CNBD1: variants seen among roughly 807,000 people sequenced by gnomAD.
The protein encoded by CNBD1 is cyclic nucleotide binding domain containing 1.
In CNBD1, 71 loss-of-function variants were observed where a neutral mutation model predicts 54.4. The ratio of observed to expected loss-of-function variants is 1.30; its 90% CI spans 1.08 to 1.59. The LOEUF (loss-of-function observed/expected upper bound fraction) is 1.59. CNBD1 is among the 40% of genes most tolerant of loss of function. The pLI, the probability that CNBD1 is intolerant of heterozygous loss-of-function variation, is 0.00. For missense variants in CNBD1, 659 were observed against 518.0 expected (o/e 1.27, Z -2.64); for synonymous variants, 182 against 170.7 (o/e 1.07, Z -0.51).
chr8:87,048,828 T>C (rs554920722), intron 4 of CNBD1, among the ~76,000 whole-genome samples: 257 of 152,290 alleles, frequency 1.7e-3, no homozygotes, highest in South Asian at 2.9e-3. Flanking sequence ...GTTGAGGGGA[T>C]TATTTTTAAG....
intron 4 of CNBD1, among the ~76,000 whole-genome samples, chr8:86,958,044 G>T (rs555643657): frequency 6.6e-6 from 1 of 152,300 alleles, no homozygotes; most frequent in Non-Finnish European, 1.5e-5. Flanking sequence ...GTTCACATTA[G>T]TTTCAAAGAA....
intron 10 of CNBD1, among the ~76,000 whole-genome samples, chr8:87,370,641 G>A (rs1242916378): frequency 6.6e-6 from 1 of 151,742 alleles, no homozygotes; most frequent in Non-Finnish European, 1.5e-5. Flanking sequence ...TTTGTCAGAT[G>A]AGTAGGTTGC....
chr8:86,932,854 A>G (rs1005252457), intron 3 of CNBD1, among the ~76,000 whole-genome samples: 3 of 151,940 alleles, frequency 2.0e-5, no homozygotes, highest in African/African-American at 7.3e-5. Context: ...TTCCCCGCCC[A>G]ATAACCTGCA....
At chr8:87,388,423 C>A (rs1175388722) in intron 2 of CNBD1, among the ~76,000 whole-genome samples, 1 of 151,990 alleles carries the variant, frequency 6.6e-6, no homozygotes, top group Non-Finnish European at 1.5e-5. Flanking sequence ...GGGGATATCA[C>A]CACCGATCCC....
chr8:87,041,412 C>T (rs533653830), intron 4 of CNBD1, among the ~76,000 whole-genome samples: 5 of 152,054 alleles, frequency 3.3e-5, no homozygotes, highest in African/African-American at 7.2e-5. Flanking sequence ...AAAGCAACCA[C>T]GTCGGTGTGA....
In CNBD1 at chr8:87,408,860, C is replaced by A. The variant is rs147923706; in HGVS notation, c.214-19686C>A. The stretch of plus-strand genomic sequence containing the variant: ...TGTTTTGGGATGCAATGACCTGCAT[C>A]CATATAAGACTGCAAACCTAATCAA... On this transcript the variant is annotated intron_variant, in intron 2 of 7. Coordinates refer to the CNBD1 transcript ENST00000521593. 5.4e-3 allele frequency among the ~76,000 whole-genome samples: 816 copies of A among 152,118 alleles called. 6 individuals are homozygous for A. The highest frequency in any genetic ancestry group is 0.019 in the African/African-American group (771 of 41,524).
intron 4 of CNBD1, among the ~76,000 whole-genome samples, chr8:87,056,743 T>C (rs950830794): frequency 6.6e-6 from 1 of 152,078 alleles, no homozygotes; most frequent in Non-Finnish European, 1.5e-5. Context: ...TACTTCTAAT[T>C]AGAAAGATTA....
rs553101880 is a variant in CNBD1 at position 87,306,344 on chromosome 8, C to A, written c.1042+19673C>A. Among the ~76,000 whole-genome samples the A allele has an allele frequency of 7.2e-5, 11 of 152,202 alleles. No homozygotes were observed. In the South Asian group the frequency reaches 8.3e-4, roughly 11 times the overall value. ...TGCTATGGAAAACAGTGTGGATATT[C>A]CTTTAAGAACTAAATGTAGAACTAC... On this transcript the variant is annotated intron_variant, in intron 8 of 10. Transcript: ENST00000518476.
At chr8:86,986,707 G>T (rs1022850533) in intron 4 of CNBD1, among the ~76,000 whole-genome samples, 3 of 152,108 alleles carry the variant, frequency 2.0e-5, no homozygotes, top group Non-Finnish European at 2.9e-5. Context: ...ATTGGTAGGG[G>T]TCCAACTTTG....
chr8:87,386,012 G>A (rs537048018), downstream of CNBD1, among the ~76,000 whole-genome samples: 149 of 152,268 alleles, frequency 9.8e-4, 2 homozygotes, highest in African/African-American at 3.4e-3. Flanking sequence ...AACATAGTCT[G>A]GAGTGGACCT....
intron 3 of CNBD1, among the ~76,000 whole-genome samples, chr8:86,924,229 T>G (rs1047643198): frequency 6.6e-6 from 1 of 152,184 alleles, no homozygotes; most frequent in African/African-American, 2.4e-5. Context: ...CCATATTTTC[T>G]GTAAGTCTTG....
chr8:87,150,228 G>A (rs17624467), intron 4 of CNBD1, among the ~76,000 whole-genome samples: 82,156 of 151,834 alleles, frequency 0.54, 23,343 homozygotes, highest in African/African-American at 0.73. Context: ...AGCTTTGTAG[G>A]ATGGAAAAGA....
intron 4 of CNBD1, among the ~76,000 whole-genome samples, chr8:87,019,312 G>A (rs1307673007): frequency 6.6e-6 from 1 of 152,056 alleles, no homozygotes; most frequent in African/African-American, 2.4e-5. Flanking sequence ...CAATTAATTG[G>A]CTATAAGTCT....
At chr8:87,283,856 G>C (rs1245880392) in intron 6 of CNBD1, among the ~76,000 whole-genome samples, 1 of 152,122 alleles carries the variant, frequency 6.6e-6, no homozygotes, top group Non-Finnish European at 1.5e-5. Context: ...ATTTGGGTTT[G>C]ATAGGACTGT....
chr8:87,105,058 C>T (rs967723277), intron 4 of CNBD1, among the ~76,000 whole-genome samples: 11 of 152,030 alleles, frequency 7.2e-5, no homozygotes, highest in Non-Finnish European at 8.8e-5. Flanking sequence ...AGGATCTAAA[C>T]GGTTTTAATT....
intron 4 of CNBD1, among the ~76,000 whole-genome samples, chr8:87,089,302 A>C (rs1377009605): frequency 6.6e-6 from 1 of 152,104 alleles, no homozygotes; most frequent in Non-Finnish European, 1.5e-5. Context: ...ATCTAAATAT[A>C]CTTTAAGAAT....
chr8:87,284,368 T>C (rs987964644), intron 6 of CNBD1, among the ~76,000 whole-genome samples: 1 of 152,158 alleles, frequency 6.6e-6, no homozygotes, highest in Non-Finnish European at 1.5e-5. Context: ...GTGTACAAAA[T>C]TTCTTCATTC....
intron 4 of CNBD1, among the ~76,000 whole-genome samples, chr8:87,111,458 G>A (rs1480938280): frequency 6.6e-6 from 1 of 152,168 alleles, no homozygotes; most frequent in East Asian, 1.9e-4. Flanking sequence ...CCTTTTCTCA[G>A]TGTGTACTTA....
intron 10 of CNBD1, among the ~76,000 whole-genome samples, chr8:87,373,950 G>A (rs1017695891): frequency 6.6e-6 from 1 of 151,600 alleles, no homozygotes. Flanking sequence ...TTGCTTAATT[G>A]TTAGAAGCTA....
Sources: gnomAD v4.1 joint callset for allele counts (sites outside exome capture counted in the v4.1 genomes callset) on GRCh38, gnomAD v4.1.1 for gene constraint, MANE v1.5 for transcripts, NCBI Gene and HGNC (gene_info 2026-07-23, HGNC 2026-07-21) for gene names.